Variants in ZNF718 observed in about 807,000 individuals in gnomAD.
ZNF718 encodes the protein zinc finger protein 718.
Under a neutral mutation model 2.6 loss-of-function variants are expected in ZNF718, and 3 were observed. That is an observed-to-expected ratio of 1.16 (90% CI 0.53 to 3.01). The LOEUF (loss-of-function observed/expected upper bound fraction) is 3.01, where lower values mean the gene tolerates loss of function less well. ZNF718 is among the 30% of genes most tolerant of loss of function. The pLI is 0.03. For missense variants in ZNF718, 468 were observed against 230.0 expected, an observed-to-expected ratio of 2.03 and a Z score of -6.69; for synonymous variants, 135 against 77.9, an observed-to-expected ratio of 1.73 and a Z score of -3.86.
Position 161,881 on chromosome 4 carries a change from A to G in ZNF718, c.1196A>G (p.Asp399Gly). The G allele has an allele frequency of 1.3e-6, 1 of 780,784 alleles. No homozygotes were observed. The highest frequency in any genetic ancestry group is 2.4e-6 in the Non-Finnish European group (1 of 417,966). 48.4% of individuals were successfully genotyped at this position (780,784 alleles called of 1,614,324 possible). ...HSGKNPYKCEDCGKAFKVFAN... is the reference protein window; with the variant it reads ...HSGKNPYKCEGCGKAFKVFAN... ...GGAAAAAATCCCTACAAATGTGAAG[A>G]TTGTGGCAAAGCCTTTAAAGTGTTT... Residue 399 changes from aspartate (D) to glycine (G), a missense_variant, in exon 4 of 4, where the codon GAT becomes GGT. Transcript: ENST00000510175.
chr4:195,353 A>G (rs534258040), intron 3 of ZNF718, among the ~76,000 whole-genome samples: 1 of 152,304 alleles, frequency 6.6e-6, no homozygotes, highest in South Asian at 2.1e-4. Context: ...CAATTACTGC[A>G]TACACATTGT....
intron 3 of ZNF718, among the ~76,000 whole-genome samples, chr4:143,955 C>T (rs970213286): frequency 9.2e-5 from 14 of 152,200 alleles, no homozygotes; most frequent in Admixed American, 2.0e-4. Context: ...TCACATCTCT[C>T]GGGGGACATG....
intron 3 of ZNF718, among the ~76,000 whole-genome samples, chr4:177,115 T>C (rs1717365719): frequency 6.6e-6 from 1 of 152,318 alleles, no homozygotes; most frequent in Admixed American, 6.5e-5. Context: ...CTCAGAAGTT[T>C]ATCTAATTTC....
At position 162,035 on chromosome 4, in the gene ZNF718, C is replaced by A. The variant is rs782163716; in HGVS notation, c.1350C>A (p.Pro450=). 1.3e-6 allele frequency: 1 copy of A among 777,708 alleles called. No individual in the cohort carries two copies. The highest frequency in any genetic ancestry group is 2.4e-6 in the Non-Finnish European group (1 of 416,268). The allele number at this position is 777,708 out of a possible 1,614,324, so 48.2% of individuals were successfully genotyped here. The change falls in exon 4 of 4, where the codon CCC becomes CCA. Residue 450 remains proline (P), a synonymous_variant. Coordinates refer to ENST00000510175, the MANE Select transcript of ZNF718 (RefSeq NM_001039127.6). ...AGAAAATTCACACTGTAGATAAACC[C>A]TACAAATGTAAAGAATGCGGGAAAG... ...KHKKIHTVDK[P]YKCKECGKAF...
At chr4:195,413 A>G (rs1553821868) in intron 3 of ZNF718, among the ~76,000 whole-genome samples, 1 of 152,114 alleles carries the variant, frequency 6.6e-6, no homozygotes, top group African/African-American at 2.4e-5. Flanking sequence ...TCCTGTCCTG[A>G]AGGGAGTTCC....
At chr4:192,487 C>T (rs909911525) in intron 3 of ZNF718, among the ~76,000 whole-genome samples, 2 of 152,162 alleles carry the variant, frequency 1.3e-5, no homozygotes, top group African/African-American at 4.8e-5. Context: ...GTCACCTTCC[C>T]CAGCTAGGCT....
At position 143,921 on chromosome 4, in the gene ZNF718, G is replaced by A. The variant is rs1357841430; in HGVS notation, c.226+12416G>A. Among the ~76,000 whole-genome samples the A allele has an allele frequency of 3.3e-5, 5 of 152,022 alleles. No homozygotes were observed. The East Asian group carries it at 5.8e-4, about 18-fold the overall frequency. Reference sequence around the variant, plus strand: ...AAAGAAAAAGACCGTTGACCCCCCCGTCTCCTATAAGGATTTATGGGGATC... The same window carrying A: ...AAAGAAAAAGACCGTTGACCCCCCCATCTCCTATAAGGATTTATGGGGATC... On this transcript the variant is annotated intron_variant, in intron 3 of 3. Coordinates refer to ENST00000510175, the MANE Select transcript of ZNF718 (RefSeq NM_001039127.6).
At chr4:176,147 G>A (rs188489638) in intron 3 of ZNF718, among the ~76,000 whole-genome samples, 69 of 152,140 alleles carry the variant, frequency 4.5e-4, no homozygotes, top group Admixed American at 2.8e-3. Flanking sequence ...AACTCTGCAG[G>A]CAGCTCCACA....
intron 3 of ZNF718, among the ~76,000 whole-genome samples, chr4:138,088 T>A (rs1715651921): frequency 6.6e-6 from 1 of 152,234 alleles, no homozygotes; most frequent in African/African-American, 2.4e-5. Flanking sequence ...AAAAATCATA[T>A]CAGGGTAAAT....
chr4:185,024 A>AT (rs1717540159), intron 3 of ZNF718, among the ~76,000 whole-genome samples: 1 of 151,656 alleles, frequency 6.6e-6, no homozygotes. Context: ...GATCTTGGTT[A>AT]TTTTTTGTCT....
intron 3 of ZNF718, among the ~76,000 whole-genome samples, chr4:175,021 A>G (rs1438683013): frequency 1.3e-5 from 2 of 152,208 alleles, no homozygotes; most frequent in Admixed American, 6.5e-5. Context: ...GCAGATCAGA[A>G]CAGCCCCTCA....
At chr4:153,501 G>C (rs1716428251) in intron 3 of ZNF718, among the ~76,000 whole-genome samples, 1 of 152,020 alleles carries the variant, frequency 6.6e-6, no homozygotes, top group South Asian at 2.1e-4. Context: ...AGATCACCTT[G>C]GGTAGTATAG....
intron 3 of ZNF718, among the ~76,000 whole-genome samples, chr4:148,610 C>CAA (rs33957522): frequency 0.012 from 903 of 73,826 alleles, 14 homozygotes; most frequent in Middle Eastern, 0.056. Context: ...GACTCTGTCT[C>CAA]AAAAAAAAAA....
intron 3 of ZNF718, among the ~76,000 whole-genome samples, chr4:178,069 C>T (rs375791082): frequency 2.6e-4 from 40 of 152,112 alleles, no homozygotes; most frequent in African/African-American, 9.4e-4. Flanking sequence ...ATAGCTAGTA[C>T]ATGCTGACAT....
In ZNF718 at chr4:161,020, GA is replaced by G; in HGVS notation, c.340del (p.Thr114LeufsTer5). 1.3e-6 allele frequency: 1 copy of G among 780,826 alleles called. No individual in the cohort carries two copies. The highest frequency in any genetic ancestry group is 2.4e-6 in the Non-Finnish European group (1 of 418,008). The allele number at this position is 780,826 out of a possible 1,614,324, so 48.4% of individuals were successfully genotyped here. A position where few individuals can be genotyped will look rare whatever the true frequency, so the allele number is the denominator to read the frequency against. On this transcript the variant is annotated frameshift_variant, in exon 4 of 4. Transcript: ENST00000510175. LOFTEE classifies it low-confidence loss of function (END_TRUNC). Reference protein sequence around the residue: ...GHEKRGHENLRKTCKSINECK... With the variant: ...GHEKRGHENLXKTCKSINECK... ...GAGAAACGTGGACATGAGAATTTAAGAAAAACTTGTAAAAGTATAAATGAGT... is the reference window on the plus strand; with the variant it reads ...GAGAAACGTGGACATGAGAATTTAAGAAAACTTGTAAAAGTATAAATGAGT...
intron 3 of ZNF718, among the ~76,000 whole-genome samples, chr4:173,179 C>A (rs1717274550): frequency 6.6e-6 from 1 of 151,824 alleles, no homozygotes; most frequent in Non-Finnish European, 1.5e-5. Flanking sequence ...TTTTCAACTG[C>A]CCTTCCCCAC....
intron 3 of ZNF718, among the ~76,000 whole-genome samples, chr4:144,485 T>C (rs546314510): frequency 4.1e-4 from 62 of 152,332 alleles, no homozygotes; most frequent in Non-Finnish European, 6.6e-4. Flanking sequence ...GCTTTGGCTA[T>C]TTTGAGTCTT....
At position 161,670 on chromosome 4, in the gene ZNF718, C is replaced by G; in HGVS notation, c.985C>G (p.His329Asp). Residue 329 changes from histidine to aspartate, a missense_variant, in exon 4 of 4, where the codon CAT (histidine) becomes GAT (aspartate). His to Asp is a moderately conservative substitution (Grantham distance 81, BLOSUM62 -1). Transcript: ENST00000510175. ...TACCACATCCTCAGACTTTGCTAAA[C>G]ATAAGAGAATTCATACAGGAGAGAA... ...VFTTSSDFAK[H>D]KRIHTGEKPY... is the part of the protein sequence containing the mutation. The G allele has an allele frequency of 1.3e-6, 1 of 779,454 alleles. No individual in the cohort carries two copies. Among genetic ancestry groups the G allele is most frequent in the Non-Finnish European group, 2.4e-6 (1 of 417,230 alleles). The allele number at this position is 779,454 out of a possible 1,614,324, so 48.3% of individuals were successfully genotyped here.
At chr4:150,708 A>G (rs1178879182) in intron 3 of ZNF718, among the ~76,000 whole-genome samples, 10 of 152,226 alleles carry the variant, frequency 6.6e-5, no homozygotes, top group Non-Finnish European at 1.3e-4. Flanking sequence ...TATAATAAAC[A>G]TAGGAGTGTA....
Sources: allele counts gnomAD v4.1 joint callset (sites outside exome capture counted in the v4.1 genomes callset), GRCh38; gene constraint gnomAD v4.1.1; transcripts MANE v1.5; gene names NCBI Gene and HGNC (gene_info 2026-07-23, HGNC 2026-07-21).